Variants in MAN1C1 observed in about 807,000 individuals in gnomAD.
MAN1C1 encodes mannosyl-oligosaccharide 1,2-alpha-mannosidase IC.
MAN1C1 carries 49 observed loss-of-function variants against 71.5 expected under a neutral mutation model. The ratio of observed to expected loss-of-function variants is 0.69; its 90% CI spans 0.54 to 0.87. The LOEUF (loss-of-function observed/expected upper bound fraction) is 0.87. MAN1C1 is among the 40% of genes least tolerant of loss of function. MAN1C1 has a pLI of 0.00. For synonymous variants in MAN1C1, 352 were observed against 343.7 expected (o/e 1.02, Z -0.27); for missense variants, 743 against 835.0 (o/e 0.89, Z 1.36).
At chr1:25,659,656 T>C (rs1367457065) in intron 1 of MAN1C1, among the ~76,000 whole-genome samples, 1 of 152,226 alleles carries the variant, frequency 6.6e-6, no homozygotes, top group African/African-American at 2.4e-5. Context: ...CAGAATCTCC[T>C]GGACTCCAGC....
Position 25,711,437 on chromosome 1 carries a change from A to T in MAN1C1, c.637+24901A>T, listed in dbSNP as rs2046611784. ...TCGCTCATGGATGGGTCAGTGTGGG[A>T]GAAAGAAGTTGAATTCTCATCTCCT... On this transcript the variant is annotated intron_variant, in intron 2 of 11. Transcript: ENST00000374332. The surrounding 1 kb of genome is among the most constrained non-coding windows in gnomAD (Gnocchi z 4.3). Among the ~76,000 whole-genome samples the T allele has an allele frequency of 6.6e-6, 1 of 152,190 alleles. No individual in the cohort carries two copies. Among genetic ancestry groups the T allele is most frequent in the South Asian group, 2.1e-4 (1 of 4,832 alleles).
At chr1:25,740,219 C>T (rs1385376027) in intron 2 of MAN1C1, among the ~76,000 whole-genome samples, 1 of 151,942 alleles carries the variant, frequency 6.6e-6, no homozygotes, top group East Asian at 1.9e-4. Flanking sequence ...GCTACCAGGG[C>T]CTAGGCAAGG....
chr1:25,673,631 A>C (rs1233621075), intron 1 of MAN1C1, among the ~76,000 whole-genome samples: 1 of 152,236 alleles, frequency 6.6e-6, no homozygotes, highest in East Asian at 1.9e-4. Context: ...AAAGACACAC[A>C]GCTGGGTAAA....
chr1:25,630,383 CT>C (rs1424948985), intron 1 of MAN1C1, among the ~76,000 whole-genome samples: 3 of 152,052 alleles, frequency 2.0e-5, no homozygotes, highest in African/African-American at 7.2e-5. Flanking sequence ...GCCATTCAGG[CT>C]CTTTTTAAAA....
intron 1 of MAN1C1, among the ~76,000 whole-genome samples, chr1:25,683,658 TG>T (rs895999078): frequency 1.8e-5 from 2 of 111,068 alleles, no homozygotes; most frequent in African/African-American, 3.5e-5. Flanking sequence ...GGCAGGGGGG[TG>T]GGGGGTAGGG....
chr1:25,740,629 G>A (rs928783961), intron 2 of MAN1C1, among the ~76,000 whole-genome samples: 9 of 152,080 alleles, frequency 5.9e-5, no homozygotes, highest in African/African-American at 2.2e-4. Flanking sequence ...GTAGAGACGG[G>A]GTTTCACTGT....
chr1:25,679,951 AT>A (rs869107586), intron 1 of MAN1C1, among the ~76,000 whole-genome samples: 19,615 of 112,230 alleles, frequency 0.17, 1,838 homozygotes, highest in Middle Eastern at 0.29. Flanking sequence ...AAAAAAAAAA[AT>A]ATATATATAT....
Position 25,711,325 on chromosome 1 carries a change from G to A in MAN1C1, c.637+24789G>A, listed in dbSNP as rs980742540. On this transcript the variant is annotated intron_variant, in intron 2 of 11. Transcript: ENST00000374332. The surrounding 1 kb of genome is among the most constrained non-coding windows in gnomAD (Gnocchi z 4.3). The stretch of plus-strand genomic sequence containing the variant: ...CCGCTAAGTCTCATGGCCAAAGTCA[G>A]GGCTACAGGGAGAAGTAGGACACCA... Among the ~76,000 whole-genome samples the A allele has an allele frequency of 6.6e-6, 1 of 152,210 alleles. No homozygotes were observed. Among genetic ancestry groups the A allele is most frequent in the Non-Finnish European group, 1.5e-5 (1 of 68,048 alleles).
chr1:25,626,942 G>A (rs2045303734), intron 1 of MAN1C1, among the ~76,000 whole-genome samples: 1 of 151,946 alleles, frequency 6.6e-6, no homozygotes, highest in South Asian at 2.1e-4. Flanking sequence ...TCTGTATCTA[G>A]TTTAAAAAAA....
At chr1:25,767,446 CA>C in intron 7 of MAN1C1, among the ~76,000 whole-genome samples, 1 of 123,016 alleles carries the variant, frequency 8.1e-6, no homozygotes, top group African/African-American at 3.1e-5. Flanking sequence ...TTACACACTC[CA>C]CCATACACAC....
intron 2 of MAN1C1, among the ~76,000 whole-genome samples, chr1:25,724,525 T>C (rs2046808453): frequency 6.6e-6 from 1 of 152,182 alleles, no homozygotes; most frequent in Non-Finnish European, 1.5e-5. Flanking sequence ...CAAGTGCTTT[T>C]TCAAGCCTCT....
chr1:25,747,185 C>T (rs555722152), intron 3 of MAN1C1, among the ~76,000 whole-genome samples: 5 of 152,300 alleles, frequency 3.3e-5, no homozygotes, highest in African/African-American at 1.2e-4. Context: ...GAGAGCTGCT[C>T]CAGCCTTGAG....
chr1:25,642,474 C>T (rs1294497303), intron 1 of MAN1C1, among the ~76,000 whole-genome samples: 2 of 152,202 alleles, frequency 1.3e-5, no homozygotes, highest in African/African-American at 2.4e-5. Flanking sequence ...TCTATCCAGG[C>T]CACCTCTGGC....
In MAN1C1 at chr1:25,778,683, G is replaced by A. The variant is rs531652868; in HGVS notation, c.1477+359G>A. ...CTCCAGCCCCGGAGGCAGAAACGGC[G>A]GCTTCCTGAGCCCGGCACATGTCCC... is the stretch of plus-strand genomic sequence containing the variant. On this transcript the variant is annotated intron_variant, in intron 9 of 11. Coordinates refer to ENST00000374332, the MANE Select transcript of MAN1C1 (RefSeq NM_020379.4). The surrounding 1 kb of genome is among the most constrained non-coding windows in gnomAD (Gnocchi z 5.5). Among the ~76,000 whole-genome samples, 4 of 152,230 alleles carry A rather than the reference G, an allele frequency of 2.6e-5. No homozygotes were observed. The highest frequency in any genetic ancestry group is 7.2e-5 in the African/African-American group (3 of 41,530).
chr1:25,689,674 T>G (rs1401445118), intron 2 of MAN1C1, among the ~76,000 whole-genome samples: 1 of 152,154 alleles, frequency 6.6e-6, no homozygotes, highest in Non-Finnish European at 1.5e-5. Context: ...TCACCCACCT[T>G]CTTTTCTGGA....
chr1:25,783,630 G>C, intron 11 of MAN1C1, 33 bp from the exon 12 acceptor site: 1 of 1,605,876 alleles, frequency 6.2e-7, no homozygotes, highest in East Asian at 2.2e-5. Flanking sequence ...CTGACAGACT[G>C]TGTCTTGCTT....
chr1:25,663,677 G>C (rs1464191723), intron 1 of MAN1C1, among the ~76,000 whole-genome samples: 1 of 152,138 alleles, frequency 6.6e-6, no homozygotes, highest in Non-Finnish European at 1.5e-5. Context: ...TGGGACGAAT[G>C]GGGAGATGGG....
chr1:25,710,494 T>C (rs1185256331), intron 2 of MAN1C1, among the ~76,000 whole-genome samples: 1 of 152,268 alleles, frequency 6.6e-6, no homozygotes, highest in Non-Finnish European at 1.5e-5. Flanking sequence ...ATTGAACATG[T>C]ACTGTGTGCC....
chr1:25,684,432 A>C (rs2046199138), intron 1 of MAN1C1, among the ~76,000 whole-genome samples: 1 of 152,222 alleles, frequency 6.6e-6, no homozygotes, highest in Non-Finnish European at 1.5e-5. Flanking sequence ...ATGTCTGGCC[A>C]AGCCTGGGGG....
Sources: gnomAD v4.1 joint callset for allele counts (sites outside exome capture counted in the v4.1 genomes callset) on GRCh38, gnomAD v4.1.1 for gene constraint, Gnocchi (gnomAD v3.1) non-coding constraint, MANE v1.5 for transcripts, NCBI Gene and HGNC (gene_info 2026-07-23, HGNC 2026-07-21) for gene names.